AVL9: variants seen among roughly 807,000 people sequenced by gnomAD.
AVL9 encodes late secretory pathway protein AVL9 homolog.
AVL9 carries 49 observed loss-of-function variants against 79.2 expected under a neutral mutation model. That is an observed-to-expected ratio of 0.62 (90% CI 0.49 to 0.79). The LOEUF is 0.79. Ranked by LOEUF, AVL9 falls within the 30% of genes least tolerant of loss-of-function variation. The pLI, the probability that AVL9 is intolerant of heterozygous loss-of-function variation, is 0.00. For missense variants in AVL9, 682 were observed against 776.8 expected (o/e 0.88, Z 1.45); for synonymous variants, 299 against 280.6 (o/e 1.07, Z -0.65).
At position 32,586,088 on chromosome 7, in the gene AVL9, T is replaced by G. The variant is rs899789485; in HGVS notation, c.*2181T>G. On this transcript the variant is annotated 3_prime_UTR_variant, in exon 16 of 16. Transcript: ENST00000318709. Reference sequence around the variant, plus strand: ...TATGGTTTCTGTGATCGGGGTAAACTCCCGTCTCCCACTATTCAAAAGCAG... The same window carrying G: ...TATGGTTTCTGTGATCGGGGTAAACGCCCGTCTCCCACTATTCAAAAGCAG... 6.6e-6 allele frequency: 1 copy of G among 152,128 alleles called. No individual in the cohort carries two copies. Among genetic ancestry groups the G allele is most frequent in the African/African-American group, 2.4e-5 (1 of 41,390 alleles). The allele number at this position is 152,128 out of a possible 1,614,324, so 9.4% of individuals were successfully genotyped here. A position where few individuals can be genotyped will look rare whatever the true frequency, so the allele number is the denominator to read the frequency against.
intron 10 of AVL9, 23 bp downstream of exon 10, chr7:32,559,487 G>A (rs1358328834): frequency 2.7e-6 from 4 of 1,495,670 alleles, no homozygotes; most frequent in East Asian, 4.6e-5. Flanking sequence ...ATTTTTTATC[G>A]AATTCCTTAA....
intron 1 of AVL9, among the ~76,000 whole-genome samples, chr7:32,503,365 T>TAC (rs796351504): frequency 0.043 from 4,436 of 102,694 alleles, 114 homozygotes; most frequent in South Asian, 0.062. Context: ...TAGAGAGATA[T>TAC]ATATATATAC....
At chr7:32,558,418 A>C in intron 8 of AVL9, 141 bp from the exon 9 acceptor site, 1 of 565,308 alleles carries the variant, frequency 1.8e-6, no homozygotes, top group Non-Finnish European at 3.1e-6. Context: ...GGCCTCCCAA[A>C]GTGCTGGGAT....
intron 4 of AVL9, among the ~76,000 whole-genome samples, chr7:32,550,912 G>C (rs1366848508): frequency 6.6e-6 from 1 of 152,132 alleles, no homozygotes; most frequent in Non-Finnish European, 1.5e-5. Context: ...TCATATAATA[G>C]TAATCGCTAA....
chr7:32,508,188 G>A (rs1366034944), intron 1 of AVL9, among the ~76,000 whole-genome samples: 1 of 151,970 alleles, frequency 6.6e-6, no homozygotes, highest in African/African-American at 2.4e-5. Context: ...GTATCTTAAT[G>A]GTGTCTTTTT....
chr7:32,575,691 T>C (rs1335048233), intron 12 of AVL9, among the ~76,000 whole-genome samples: 1 of 152,220 alleles, frequency 6.6e-6, no homozygotes, highest in Non-Finnish European at 1.5e-5. Context: ...GTAAGGAACC[T>C]TGGAAAATAT....
chr7:32,544,765 C>G lies in AVL9; in HGVS notation c.286C>G (p.Gln96Glu). ...AGTATTTGGTATCTCTTGCTATCGACAAATTGAAGCCAAGGTACGATAGTT... is the reference window on the plus strand; with the variant it reads ...AGTATTTGGTATCTCTTGCTATCGAGAAATTGAAGCCAAGGTACGATAGTT... ...ATVFGISCYR[Q>E]IEAKALKVRQ... The change falls in exon 3 of 16, where the codon CAA becomes GAA. Residue 96 changes from glutamine to glutamate, a missense_variant. Physicochemically the swap from Gln to Glu is conservative, Grantham distance 29 (BLOSUM62 2). Coordinates refer to ENST00000318709, the MANE Select transcript of AVL9 (RefSeq NM_015060.3). 1 of 1,613,336 alleles carries G rather than the reference C, an allele frequency of 6.2e-7. No individual in the cohort carries two copies. The highest frequency in any genetic ancestry group is 8.5e-7 in the Non-Finnish European group (1 of 1,179,576).
intron 8 of AVL9, among the ~76,000 whole-genome samples, chr7:32,556,676 A>G (rs936551470): frequency 1.9e-4 from 29 of 152,204 alleles, no homozygotes; most frequent in Non-Finnish European, 1.2e-4. Context: ...ACAATTTATC[A>G]TCGTAACCAT....
chr7:32,558,910 T>C lies in AVL9; in HGVS notation c.680-19T>C. 6.5e-7 allele frequency: 1 copy of C among 1,547,698 alleles called. No homozygotes were observed. On this transcript the variant is annotated intron_variant, in intron 9 of 15. Transcript: ENST00000318709. ...ATATTATTATAAGCCAAGCTGTTCT[T>C]TGATATTGCATATTTTAGGCATGAT...
Position 32,559,201 on chromosome 7 carries a change from C to T in AVL9, c.952C>T (p.Pro318Ser). Residue 318 changes from proline (P) to serine (S), a missense_variant, in exon 10 of 16, where the codon CCT becomes TCT. Pro to Ser is a moderately conservative substitution (Grantham distance 74). Coordinates refer to ENST00000318709, the MANE Select transcript of AVL9 (RefSeq NM_015060.3). ...EPNDTNQYLKPPSRPSPDSSE... is the reference protein window; with the variant it reads ...EPNDTNQYLKSPSRPSPDSSE... ...CAATGATACCAATCAATATTTGAAA[C>T]CTCCATCTCGCCCATCTCCAGATTC... 1 of 1,614,168 alleles carries T rather than the reference C, an allele frequency of 6.2e-7. No individual in the cohort carries two copies. The highest frequency in any genetic ancestry group is 1.7e-5 in the Admixed American group (1 of 60,026).
At chr7:32,496,359 C>G (rs1378148056) in intron 1 of AVL9, among the ~76,000 whole-genome samples, 1 of 152,218 alleles carries the variant, frequency 6.6e-6, no homozygotes, top group Non-Finnish European at 1.5e-5. Flanking sequence ...TTGCCTCCCC[C>G]TTCCCATTGG....
chr7:32,575,853 G>A (rs898027623), intron 12 of AVL9, 102 bp from the exon 13 acceptor site: 2 of 750,678 alleles, frequency 2.7e-6, no homozygotes, highest in South Asian at 1.7e-5. Context: ...AATATGGGAG[G>A]GCAAGGGGAT....
chr7:32,515,045 A>G (rs940041916), intron 1 of AVL9, among the ~76,000 whole-genome samples: 5 of 152,184 alleles, frequency 3.3e-5, no homozygotes, highest in African/African-American at 1.2e-4. Flanking sequence ...AGTTTCTTAT[A>G]TCTTCCTTTT....
chr7:32,516,304 T>A (rs1787898922), intron 1 of AVL9, among the ~76,000 whole-genome samples: 1 of 152,170 alleles, frequency 6.6e-6, no homozygotes, highest in Non-Finnish European at 1.5e-5. Context: ...TTTTTCCACC[T>A]AGGAAGTTGT....
At chr7:32,564,893 T>C (rs1790487830) in intron 10 of AVL9, among the ~76,000 whole-genome samples, 1 of 152,134 alleles carries the variant, frequency 6.6e-6, no homozygotes, top group Admixed American at 6.5e-5. Context: ...CTGTGTAATA[T>C]TTGTGCTCTG....
chr7:32,526,270 C>T (rs752684170), intron 1 of AVL9, among the ~76,000 whole-genome samples: 1 of 152,142 alleles, frequency 6.6e-6, no homozygotes, highest in Non-Finnish European at 1.5e-5. Flanking sequence ...TTCCTGCTGA[C>T]AGGAGGTGCT....
intron 1 of AVL9, chr7:32,531,731 G>A (rs889361489): frequency 6.6e-5 from 10 of 152,180 alleles, no homozygotes; most frequent in East Asian, 3.9e-4. Flanking sequence ...TCCACCCCTC[G>A]TGGAGGGAAT....
At chr7:32,557,124 A>G (rs116383674) in intron 8 of AVL9, among the ~76,000 whole-genome samples, 2,269 of 107,510 alleles carry the variant, frequency 0.021, 51 homozygotes, top group African/African-American at 0.076. Flanking sequence ...ACATTGAGAT[A>G]ATAAGAGAAA....
At chr7:32,530,951 A>T (rs1394856897) in intron 1 of AVL9, among the ~76,000 whole-genome samples, 1 of 151,968 alleles carries the variant, frequency 6.6e-6, no homozygotes, top group African/African-American at 2.4e-5. Context: ...GCAGGACTCC[A>T]CCTATTAAAA....
Sources: gnomAD v4.1 joint callset for allele counts (sites outside exome capture counted in the v4.1 genomes callset) on GRCh38, gnomAD v4.1.1 for gene constraint, MANE v1.5 for transcripts, NCBI Gene and HGNC (gene_info 2026-07-23, HGNC 2026-07-21) for gene names.